RBMS3: variants seen among roughly 807,000 people sequenced by gnomAD.
RBMS3 encodes the protein RNA-binding motif, single-stranded-interacting protein 3.
RBMS3 carries 27 observed loss-of-function variants against 66.8 expected under a neutral mutation model. That is an observed-to-expected ratio of 0.40 (90% CI 0.30 to 0.56). RBMS3 has a LOEUF of 0.56. RBMS3 is among the 20% of genes least tolerant of loss of function. RBMS3 has a pLI of 0.40. For synonymous variants in RBMS3, 188 were observed against 183.0 expected (o/e 1.03, Z -0.22); for missense variants, 513 against 549.5 (o/e 0.93, Z 0.66).
intron 6 of RBMS3, among the ~76,000 whole-genome samples, chr3:29,806,475 G>A (rs529692328): frequency 2.6e-5 from 4 of 152,030 alleles, no homozygotes; most frequent in Non-Finnish European, 4.4e-5. Flanking sequence ...GGATTATTTT[G>A]CACTTCCTAT....
At chr3:29,958,336 T>C (rs968645164) in intron 12 of RBMS3, among the ~76,000 whole-genome samples, 1 of 152,184 alleles carries the variant, frequency 6.6e-6, no homozygotes, top group South Asian at 2.1e-4. Flanking sequence ...TGTCTTTGGA[T>C]TTCAGTTTCT....
intron 7 of RBMS3, among the ~76,000 whole-genome samples, chr3:29,874,492 GA>G (rs1045792183): frequency 6.6e-6 from 1 of 152,050 alleles, no homozygotes; most frequent in African/African-American, 2.4e-5. Flanking sequence ...AGATGACCTT[GA>G]AAAAAATTAA....
At chr3:29,949,105 A>G (rs994187913) in intron 12 of RBMS3, among the ~76,000 whole-genome samples, 1 of 151,376 alleles carries the variant, frequency 6.6e-6, no homozygotes. Flanking sequence ...GAATTTTCCT[A>G]TGGGACCATA....
chr3:29,328,861 C>G (rs776359100), intron 1 of RBMS3, among the ~76,000 whole-genome samples: 11 of 152,070 alleles, frequency 7.2e-5, no homozygotes, highest in Non-Finnish European at 1.5e-5. Context: ...TCTTCAACTC[C>G]CTATTGGATT....
intron 4 of RBMS3, among the ~76,000 whole-genome samples, chr3:29,722,969 TTTTTC>T (rs1369403381): frequency 5.9e-5 from 9 of 151,956 alleles, no homozygotes; most frequent in Non-Finnish European, 1.3e-4. Flanking sequence ...TCACTCTTTT[TTTTTC>T]TTTTCTTTTT....
intron 3 of RBMS3, among the ~76,000 whole-genome samples, chr3:29,531,142 C>G (rs1004566915): frequency 6.6e-6 from 1 of 152,150 alleles, no homozygotes; most frequent in Non-Finnish European, 1.5e-5. Flanking sequence ...ATGGAAACTT[C>G]GTATTTTGTT....
At chr3:29,753,821 A>G (rs555902451) in intron 5 of RBMS3, among the ~76,000 whole-genome samples, 1 of 152,342 alleles carries the variant, frequency 6.6e-6, no homozygotes, top group African/African-American at 2.4e-5. Flanking sequence ...AGATTTGTCA[A>G]TTGAACTGAG....
intron 1 of RBMS3, among the ~76,000 whole-genome samples, chr3:29,299,991 G>C (rs1257147161): frequency 6.6e-6 from 1 of 151,816 alleles, no homozygotes; most frequent in Non-Finnish European, 1.5e-5. Flanking sequence ...GAAAAAAAGG[G>C]AGAAAATATT....
intron 2 of RBMS3, among the ~76,000 whole-genome samples, chr3:29,478,134 C>T (rs1344314323): frequency 6.6e-6 from 1 of 152,152 alleles, no homozygotes; most frequent in African/African-American, 2.4e-5. Flanking sequence ...GAGCTACCAC[C>T]TCATTAGCAA....
chr3:29,676,628 A>G (rs1419883874), intron 4 of RBMS3, among the ~76,000 whole-genome samples: 4 of 152,188 alleles, frequency 2.6e-5, no homozygotes, highest in Non-Finnish European at 4.4e-5. Context: ...GAATCATTTT[A>G]TATAATGACT....
chr3:29,530,966 G>T (rs927113011), intron 3 of RBMS3, among the ~76,000 whole-genome samples: 22 of 152,138 alleles, frequency 1.4e-4, no homozygotes, highest in African/African-American at 4.8e-4. Context: ...AAAATGGTGG[G>T]ATCAGAATAC....
intron 5 of RBMS3, among the ~76,000 whole-genome samples, chr3:29,746,437 G>C (rs1396138922): frequency 1.3e-5 from 2 of 152,158 alleles, no homozygotes; most frequent in Non-Finnish European, 2.9e-5. Flanking sequence ...TTACAACTGT[G>C]TTTTCTGAGA....
intron 3 of RBMS3, among the ~76,000 whole-genome samples, chr3:29,552,974 G>A (rs942387992): frequency 5.9e-5 from 9 of 152,096 alleles, no homozygotes; most frequent in African/African-American, 2.2e-4. Context: ...ATAACCCTGG[G>A]TAGGTTAACT....
chr3:29,805,873 T>C (rs943070745), intron 6 of RBMS3, among the ~76,000 whole-genome samples: 44 of 152,146 alleles, frequency 2.9e-4, no homozygotes, highest in African/African-American at 9.9e-4. Flanking sequence ...TATACAGTAG[T>C]ATACAGTAAT....
chr3:29,384,957 G>T (rs754535932), intron 1 of RBMS3, among the ~76,000 whole-genome samples: 4 of 152,148 alleles, frequency 2.6e-5, no homozygotes, highest in Non-Finnish European at 5.9e-5. Context: ...GAGCAGAGAT[G>T]TATGATCTTA....
chr3:29,796,816 G>A (rs553074188), intron 6 of RBMS3, among the ~76,000 whole-genome samples: 3 of 148,566 alleles, frequency 2.0e-5, no homozygotes, highest in South Asian at 2.1e-4. Context: ...GGGTTCAAGC[G>A]ATTCTCCTGC....
At chr3:29,719,492 C>A (rs1470820000) in intron 4 of RBMS3, among the ~76,000 whole-genome samples, 1 of 152,022 alleles carries the variant, frequency 6.6e-6, no homozygotes, top group Non-Finnish European at 1.5e-5. Context: ...GCTATAAAAC[C>A]AGATTTAAGA....
intron 2 of RBMS3, among the ~76,000 whole-genome samples, chr3:29,460,908 T>C (rs1575881400): frequency 6.6e-6 from 1 of 152,228 alleles, no homozygotes; most frequent in African/African-American, 2.4e-5. Context: ...CCCATCTTAG[T>C]TTTCTAATAT....
chr3:29,578,723 G>A (rs572290127), intron 3 of RBMS3, among the ~76,000 whole-genome samples: 3 of 151,190 alleles, frequency 2.0e-5, no homozygotes, highest in African/African-American at 7.3e-5. Context: ...CAAGTGACAA[G>A]TTGGCGGAGG....
Sources: gnomAD v4.1 joint callset for allele counts (sites outside exome capture counted in the v4.1 genomes callset) on GRCh38, gnomAD v4.1.1 for gene constraint, MANE v1.5 for transcripts, NCBI Gene and HGNC (gene_info 2026-07-23, HGNC 2026-07-21) for gene names.